TRPM3: variants seen among roughly 807,000 people sequenced by gnomAD.
TRPM3 encodes long transient receptor potential channel 3.
Under a neutral mutation model 181.2 loss-of-function variants are expected in TRPM3, and 77 were observed. The observed-to-expected ratio is 0.42, with a 90% confidence interval of 0.35 to 0.51. The LOEUF (loss-of-function observed/expected upper bound fraction) is 0.51. TRPM3 is among the 20% of genes least tolerant of loss of function. The pLI is 0.01. For synonymous variants in TRPM3, 745 were observed against 796.4 expected (o/e 0.94, Z 1.09); for missense variants, 1,759 against 2,196.7 (o/e 0.80, Z 3.98).
At chr9:71,147,424 GACACACAC>G (rs34795244) in intron 1 of TRPM3, among the ~76,000 whole-genome samples, 69 of 145,042 alleles carry the variant, frequency 4.8e-4, no homozygotes, top group African/African-American at 1.6e-3. Flanking sequence ...GCAACACACA[GACACACAC>G]ACACACACAC....
intron 5 of TRPM3, among the ~76,000 whole-genome samples, chr9:70,842,666 AT>A (rs2094754655): frequency 6.6e-6 from 1 of 152,140 alleles, no homozygotes; most frequent in South Asian, 2.1e-4. Flanking sequence ...ATGTTGCCGT[AT>A]ATTAAGTGGT....
rs528262676 is a variant in TRPM3 at position 71,078,081 on chromosome 9, G to A, written c.177+43097C>T. On this transcript the variant is annotated intron_variant, in intron 1 of 25. Transcript: ENST00000677713. ...ATCATACACATATATGTGCGCTTGT[G>A]GGCAAAAACATACTTGGGAGGAATT... 2.0e-5 allele frequency among the ~76,000 whole-genome samples: 3 copies of A among 151,626 alleles called. No homozygotes were observed. The East Asian group carries it at 5.8e-4, about 29-fold the overall frequency.
intron 7 of TRPM3, among the ~76,000 whole-genome samples, chr9:70,773,481 GT>G (rs1331958963): frequency 6.6e-6 from 1 of 152,174 alleles, no homozygotes; most frequent in Non-Finnish European, 1.5e-5. Context: ...AGGGTCAGAG[GT>G]GTGGGAAAAG....
intron 1 of TRPM3, among the ~76,000 whole-genome samples, chr9:71,397,969 A>G (rs549044714): frequency 1.3e-5 from 2 of 152,298 alleles, no homozygotes; most frequent in Non-Finnish European, 2.9e-5. Flanking sequence ...TGTAACAACC[A>G]TGTACCCTCC....
intron 1 of TRPM3, among the ~76,000 whole-genome samples, chr9:71,069,644 T>A (rs1413549345): frequency 6.7e-6 from 1 of 148,770 alleles, no homozygotes; most frequent in African/African-American, 2.5e-5. Context: ...AGTCTCACTC[T>A]GTTGCCCAGG....
intron 2 of TRPM3, among the ~76,000 whole-genome samples, chr9:70,863,351 C>A (rs1378438501): frequency 6.6e-6 from 1 of 152,114 alleles, no homozygotes; most frequent in East Asian, 1.9e-4. Context: ...TAATATGTCT[C>A]CTGCCCTTCT....
At chr9:71,113,224 G>A (rs998013339) in intron 1 of TRPM3, among the ~76,000 whole-genome samples, 1 of 152,146 alleles carries the variant, frequency 6.6e-6, no homozygotes, top group Non-Finnish European at 1.5e-5. Flanking sequence ...AAGTAAAAGA[G>A]AGACTGATTT....
chr9:71,365,168 C>A (rs2092294367), intron 1 of TRPM3, among the ~76,000 whole-genome samples: 1 of 152,126 alleles, frequency 6.6e-6, no homozygotes, highest in Non-Finnish European at 1.5e-5. Flanking sequence ...CATTCTGTGA[C>A]CCCTGGCTAC....
At chr9:71,066,960 A>C (rs1252391109) in intron 1 of TRPM3, among the ~76,000 whole-genome samples, 1 of 152,110 alleles carries the variant, frequency 6.6e-6, no homozygotes, top group Non-Finnish European at 1.5e-5. Context: ...CTACAGATAG[A>C]GGTTTGGGAA....
rs200633987 is a variant in TRPM3, at chr9:70,863,040, T to C, written c.330A>G (p.Lys110=). 1.2e-6 allele frequency: 2 copies of C among 1,613,646 alleles called. No homozygotes were observed. Among genetic ancestry groups the C allele is most frequent in the Non-Finnish European group, 1.7e-6 (2 of 1,179,724 alleles). Residue 110 remains lysine, a synonymous_variant, in exon 3 of 26, where the codon AAA becomes AAG. Coordinates refer to ENST00000677713, the MANE Select transcript of TRPM3 (RefSeq NM_001366145.2). ...TPSISVLQNE[K]NESRLSRNDI... ...CATTTCGGGAGAGGCGACTTTCATT[T>C]TTCTCATTCTGAAGCACGGAGATAC...
intron 1 of TRPM3, among the ~76,000 whole-genome samples, chr9:71,133,427 G>C (rs940822183): frequency 6.6e-6 from 1 of 151,624 alleles, no homozygotes; most frequent in Admixed American, 6.6e-5. Context: ...CCCCTCCCGA[G>C]TAGCTGGAAT....
chr9:70,549,602 C>G lies in TRPM3; in HGVS notation c.3647G>C (p.Arg1216Thr). The change falls in exon 25 of 26, where the codon AGA becomes ACA. Residue 1216 changes from arginine to threonine, a missense_variant. By Grantham distance (71) the Arg-to-Thr change is moderately conservative (BLOSUM62 -1). Transcript: ENST00000677713. ...TGAGTTGAACCGATCATCCTTTTCT[C>G]TGAAGTATTCTTCTATGCATTGCTC... ...FEEQCIEEYF[R>T]EKDDRFNSSN... 1.2e-6 allele frequency: 2 copies of G among 1,613,530 alleles called. No homozygotes were observed. Among genetic ancestry groups the G allele is most frequent in the Non-Finnish European group, 1.7e-6 (2 of 1,179,894 alleles).
intron 1 of TRPM3, among the ~76,000 whole-genome samples, chr9:71,181,952 C>A (rs780931614): frequency 6.6e-6 from 1 of 152,102 alleles, no homozygotes; most frequent in African/African-American, 2.4e-5. Context: ...TCAGAATCAC[C>A]AGGAGGGCCT....
At chr9:71,162,414 T>C (rs1027995090) in intron 1 of TRPM3, among the ~76,000 whole-genome samples, 1 of 152,006 alleles carries the variant, frequency 6.6e-6, no homozygotes, top group Non-Finnish European at 1.5e-5. Flanking sequence ...AAAAACACTG[T>C]AGTTTCAATC....
Position 70,618,889 on chromosome 9 carries a change from A to T in TRPM3, c.2336T>A (p.Met779Lys). ...LTDMWMGRLRMRKNSGLKVIL... is the reference protein window; with the variant it reads ...LTDMWMGRLRKRKNSGLKVIL... ...GACCTTGAGGCCTGAGTTCTTGCGC[A>T]TGCGGAGCCGGCCCATCCACATGTC... The change falls in exon 17 of 26, where the codon ATG becomes AAG. Residue 779 changes from methionine to lysine, a missense_variant. By Grantham distance (95) the Met-to-Lys change is moderately conservative. Transcript: ENST00000677713. 1 of 1,608,040 alleles carries T rather than the reference A, an allele frequency of 6.2e-7. No homozygotes were observed. The highest frequency in any genetic ancestry group is 1.7e-5 in the Admixed American group (1 of 60,008).
At chr9:70,973,055 A>G (rs754848472) in intron 1 of TRPM3, among the ~76,000 whole-genome samples, 8 of 152,308 alleles carry the variant, frequency 5.3e-5, no homozygotes, top group Non-Finnish European at 1.0e-4. Context: ...TATAAAGATG[A>G]AACAGGTGAG....
Position 71,149,564 on chromosome 9 carries a change from A to G in TRPM3, c.184-285053T>C, listed in dbSNP as rs190081057. ...CCTCCCACCCTACCAAACTATGCAC[A>G]GGTACATGTGAGTTAAACAGGTAAT... On this transcript the variant is annotated intron_variant, in intron 1 of 24. Coordinates refer to the TRPM3 transcript ENST00000357533. Among the ~76,000 whole-genome samples the G allele has an allele frequency of 2.3e-3, 348 of 152,346 alleles. 3 individuals carry two copies. Among genetic ancestry groups the G allele is most frequent in the African/African-American group, 8.0e-3 (331 of 41,590 alleles).
At chr9:71,262,917 T>C (rs1197445864) in intron 1 of TRPM3, among the ~76,000 whole-genome samples, 1 of 152,196 alleles carries the variant, frequency 6.6e-6, no homozygotes, top group Non-Finnish European at 1.5e-5. Context: ...GCCTTCTGCA[T>C]TGGTCTCACT....
At chr9:70,782,246 C>T (rs1186461839) in intron 7 of TRPM3, among the ~76,000 whole-genome samples, 1 of 150,798 alleles carries the variant, frequency 6.6e-6, no homozygotes, top group African/African-American at 2.4e-5. Flanking sequence ...GCTCTTGTTG[C>T]CTAGGCTGGA....
Sources: gnomAD v4.1 joint callset for allele counts (sites outside exome capture counted in the v4.1 genomes callset) on GRCh38, gnomAD v4.1.1 for gene constraint, MANE v1.5 for transcripts, NCBI Gene and HGNC (gene_info 2026-07-23, HGNC 2026-07-21) for gene names.